The following ATRNL1 variants were observed in gnomAD, a reference collection of about 807,000 sequenced individuals.
The protein encoded by ATRNL1 is attractin like 1.
ATRNL1 carries 95 observed loss-of-function variants against 182.7 expected under a neutral mutation model. That is an observed-to-expected ratio of 0.52 (90% CI 0.44 to 0.62). The LOEUF (loss-of-function observed/expected upper bound fraction) is 0.62. Ranked by LOEUF, ATRNL1 falls within the 20% of genes least tolerant of loss-of-function variation. The pLI is 0.00. For synonymous variants in ATRNL1, 576 were observed against 568.3 expected, an observed-to-expected ratio of 1.01 and a Z score of -0.19; for missense variants, 1,471 against 1,679.5, an observed-to-expected ratio of 0.88 and a Z score of 2.17.
intron 24 of ATRNL1, among the ~76,000 whole-genome samples, chr10:115,485,387 A>G (rs539433362): frequency 6.6e-6 from 1 of 152,030 alleles, no homozygotes; most frequent in Non-Finnish European, 1.5e-5. Context: ...TGTATTTATA[A>G]TGTAAACATG....
intron 26 of ATRNL1, among the ~76,000 whole-genome samples, chr10:115,632,673 T>G (rs536362551): frequency 3.9e-5 from 6 of 152,090 alleles, no homozygotes; most frequent in Non-Finnish European, 8.8e-5. Flanking sequence ...GAAAATGCAT[T>G]CGGTGAATGA....
chr10:115,533,400 G>A (rs1277228259), intron 25 of ATRNL1, among the ~76,000 whole-genome samples: 8 of 146,440 alleles, frequency 5.5e-5, no homozygotes, highest in East Asian at 1.9e-4. Flanking sequence ...AGAGGTGTTT[G>A]TAGTATTCTC....
At position 115,626,737 on chromosome 10, in the gene ATRNL1, T is replaced by C. The variant is rs76996402; in HGVS notation, c.3795+77201T>C. 4.8e-3 allele frequency among the ~76,000 whole-genome samples: 729 copies of C among 152,298 alleles called. 3 individuals are homozygous for C. Among genetic ancestry groups the C allele is most frequent in the Non-Finnish European group, 7.1e-3 (480 of 68,018 alleles). On this transcript the variant is annotated intron_variant, in intron 26 of 28. Transcript: ENST00000355044. Reference sequence around the variant, plus strand: ...GTGAATTGTCACAGTAAAGAAAATATTTATTACTTATTCATATAGATATAA... The same window carrying C: ...GTGAATTGTCACAGTAAAGAAAATACTTATTACTTATTCATATAGATATAA...
At chr10:115,842,427 G>A (rs1300146046) in intron 27 of ATRNL1, among the ~76,000 whole-genome samples, 1 of 152,008 alleles carries the variant, frequency 6.6e-6, no homozygotes, top group African/African-American at 2.4e-5. Flanking sequence ...ATTAGATACT[G>A]GTATGTCACA....
At chr10:115,195,107 G>C (rs889685007) in intron 8 of ATRNL1, among the ~76,000 whole-genome samples, 1 of 151,850 alleles carries the variant, frequency 6.6e-6, no homozygotes, top group South Asian at 2.1e-4. Context: ...TTGTTTTTTA[G>C]TTTTTCTACT....
chr10:115,574,254 A>G (rs976985133), intron 26 of ATRNL1, among the ~76,000 whole-genome samples: 32 of 151,116 alleles, frequency 2.1e-4, no homozygotes, highest in African/African-American at 7.5e-4. Context: ...TTATATATAC[A>G]TAACTACATA....
At chr10:115,205,462 G>A (rs1414788934) in intron 8 of ATRNL1, among the ~76,000 whole-genome samples, 1 of 151,306 alleles carries the variant, frequency 6.6e-6, no homozygotes, top group Non-Finnish European at 1.5e-5. Context: ...TTAACTTCTT[G>A]AGTGTAATTG....
intron 5 of ATRNL1, among the ~76,000 whole-genome samples, chr10:115,155,367 G>T (rs1846461583): frequency 6.6e-6 from 1 of 151,658 alleles, no homozygotes; most frequent in Non-Finnish European, 1.5e-5. Flanking sequence ...AAAATGAGAA[G>T]GTTGTCTTAA....
At chr10:115,726,213 C>T (rs1947592037) in intron 26 of ATRNL1, among the ~76,000 whole-genome samples, 1 of 152,154 alleles carries the variant, frequency 6.6e-6, no homozygotes, top group Non-Finnish European at 1.5e-5. Context: ...CACAGGACTA[C>T]ATCCATTTAC....
At chr10:115,127,305 T>C (rs1248796863) in intron 3 of ATRNL1, among the ~76,000 whole-genome samples, 1 of 152,050 alleles carries the variant, frequency 6.6e-6, no homozygotes, top group African/African-American at 2.4e-5. Context: ...TATGACAGGA[T>C]GGATAGCAGG....
intron 9 of ATRNL1, among the ~76,000 whole-genome samples, chr10:115,227,363 A>T (rs1849743541): frequency 6.6e-6 from 1 of 152,166 alleles, no homozygotes; most frequent in Non-Finnish European, 1.5e-5. Context: ...GAGGTATCAC[A>T]CCAGTCAGAA....
intron 14 of ATRNL1, among the ~76,000 whole-genome samples, chr10:115,283,072 C>A (rs1174893680): frequency 6.6e-6 from 1 of 151,942 alleles, no homozygotes; most frequent in African/African-American, 2.4e-5. Context: ...GAAAGAGAAT[C>A]TTTCTTACAA....
intron 10 of ATRNL1, among the ~76,000 whole-genome samples, chr10:115,244,335 C>A (rs1346129922): frequency 6.6e-6 from 1 of 152,094 alleles, no homozygotes; most frequent in Non-Finnish European, 1.5e-5. Flanking sequence ...GGGTATATAA[C>A]CTTGCCTTCA....
intron 26 of ATRNL1, among the ~76,000 whole-genome samples, chr10:115,686,875 TTTAAGGGTGACTTA>T (rs1946234728): frequency 1.3e-5 from 2 of 152,060 alleles, no homozygotes; most frequent in South Asian, 4.1e-4. Flanking sequence ...AACCACTTTA[TTTAAGGGTGACTTA>T]TATTCAAAAA....
At chr10:115,728,559 A>C (rs1262906478) in intron 27 of ATRNL1, among the ~76,000 whole-genome samples, 2 of 152,146 alleles carry the variant, frequency 1.3e-5, no homozygotes, top group Non-Finnish European at 2.9e-5. Context: ...AAAATAAAGA[A>C]TGGAAAAATA....
At position 115,720,506 on chromosome 10, in the gene ATRNL1, T is replaced by G. The variant is rs536483233; in HGVS notation, c.3796-6742T>G. Among the ~76,000 whole-genome samples, 3 of 152,322 alleles carry G rather than the reference T, an allele frequency of 2.0e-5. No homozygotes were observed. The South Asian group carries it at 6.2e-4, about 32-fold the overall frequency. On this transcript the variant is annotated intron_variant, in intron 26 of 28. Transcript: ENST00000355044. Reference sequence around the variant, plus strand: ...AAAATACCTTATTACAAGGAAATGATGGTGATGCTATCAGGTCATGTAGTT... The same window carrying G: ...AAAATACCTTATTACAAGGAAATGAGGGTGATGCTATCAGGTCATGTAGTT...
chr10:115,928,326 G>A (rs1380482720), intron 28 of ATRNL1, among the ~76,000 whole-genome samples: 3 of 151,968 alleles, frequency 2.0e-5, no homozygotes, highest in Admixed American at 6.6e-5. Context: ...GTAAAACTTA[G>A]CAGTCCTTTT....
chr10:115,289,059 G>C (rs1852767713), intron 15 of ATRNL1, among the ~76,000 whole-genome samples: 1 of 152,166 alleles, frequency 6.6e-6, no homozygotes, highest in Non-Finnish European at 1.5e-5. Flanking sequence ...CACATGGCTG[G>C]GGAGGCCTCA....
At chr10:115,235,807 A>G (rs76762697) in intron 9 of ATRNL1, among the ~76,000 whole-genome samples, 1 of 151,990 alleles carries the variant, frequency 6.6e-6, no homozygotes. Flanking sequence ...TTATTGGGAG[A>G]TACTTTCAGA....
Sources: gnomAD v4.1 joint callset for allele counts (sites outside exome capture counted in the v4.1 genomes callset) on GRCh38, gnomAD v4.1.1 for gene constraint, MANE v1.5 for transcripts, NCBI Gene and HGNC (gene_info 2026-07-23, HGNC 2026-07-21) for gene names.